The following CDKL5 variants were observed in gnomAD, a reference collection of about 807,000 sequenced individuals.
CDKL5 encodes the protein cyclin dependent kinase like 5.
In CDKL5, 8 loss-of-function variants were observed where a neutral mutation model predicts 61.7. That is an observed-to-expected ratio of 0.13 (90% CI 0.08 to 0.23). CDKL5 has a LOEUF of 0.23. Among genes scored for constraint, CDKL5 ranks in the 10% least tolerant of loss-of-function variants. CDKL5 has a pLI of 1.00. For synonymous variants in CDKL5, 275 were observed against 272.3 expected (o/e 1.01, Z -0.10); for missense variants, 440 against 734.5 (o/e 0.60, Z 4.63).
chrX:18,523,061 G>T (rs1005173283), intron 3 of CDKL5, among the ~76,000 whole-genome samples: 45 of 111,406 alleles, frequency 4.0e-4, no homozygotes, highest in African/African-American at 1.2e-3. Context: ...CTCCCAAAGT[G>T]CTGGGATTAC....
At position 18,598,495 on chromosome X, in the gene CDKL5, T is replaced by C; in HGVS notation, c.859T>C (p.Leu287=). 1 of 1,208,026 alleles carries C rather than the reference T, an allele frequency of 8.3e-7. No homozygotes were observed. Among genetic ancestry groups the C allele is most frequent in the Non-Finnish European group, 1.1e-6 (1 of 891,856 alleles). The stretch of plus-strand genomic sequence containing the variant: ...GAAGTTGGACCCAGCTGACAGATAC[T>C]TGACAGAACAGTGTTTGAATCACCC... ...LLKLDPADRY[L]TEQCLNHPTF... The change falls in exon 11 of 18, where the codon TTG becomes CTG. Residue 287 remains leucine, a synonymous_variant. Coordinates refer to ENST00000623535, the MANE Select transcript of CDKL5 (RefSeq NM_001323289.2).
intron 1 of CDKL5, among the ~76,000 whole-genome samples, chrX:18,450,288 C>T (rs1315006838): frequency 8.9e-6 from 1 of 111,846 alleles, no homozygotes; most frequent in Non-Finnish European, 1.9e-5. Flanking sequence ...TAATACATAC[C>T]TCATGCGGTG....
At chrX:18,583,691 G>A (rs1315712220) in intron 7 of CDKL5, among the ~76,000 whole-genome samples, 1 of 111,404 alleles carries the variant, frequency 9.0e-6, no homozygotes. Context: ...GGGGGTAAAA[G>A]TAGTGGTAGA....
intron 3 of CDKL5, among the ~76,000 whole-genome samples, chrX:18,560,527 G>A (rs751434337): frequency 1.8e-5 from 2 of 111,835 alleles, no homozygotes; most frequent in African/African-American, 6.5e-5. Flanking sequence ...ATTAATGTTC[G>A]TTTACTAAAT....
intron 3 of CDKL5, among the ~76,000 whole-genome samples, chrX:18,525,892 TC>T (rs2147105521): frequency 9.2e-6 from 1 of 109,254 alleles, no homozygotes; most frequent in South Asian, 4.0e-4. Context: ...GATTGCAGGC[TC>T]CCACCACCAC....
intron 3 of CDKL5, among the ~76,000 whole-genome samples, chrX:18,563,130 G>A (rs773315662): frequency 3.6e-5 from 4 of 111,742 alleles, no homozygotes; most frequent in Admixed American, 1.9e-4. Context: ...TGAGATGTGC[G>A]CAGTTTTTCT....
At chrX:18,517,017 G>A (rs777406889) in intron 3 of CDKL5, among the ~76,000 whole-genome samples, 5 of 112,028 alleles carry the variant, frequency 4.5e-5, no homozygotes, top group East Asian at 5.6e-4. Flanking sequence ...AATTACAGGC[G>A]TGAGCACCTG....
At chrX:18,456,607 C>G (rs1932148896) in intron 1 of CDKL5, among the ~76,000 whole-genome samples, 1 of 111,465 alleles carries the variant, frequency 9.0e-6, no homozygotes, top group African/African-American at 3.3e-5. Context: ...TTAATTCAAG[C>G]CTGAAGGAAT....
At chrX:18,528,887 C>T (rs758822740) in intron 3 of CDKL5, among the ~76,000 whole-genome samples, 1 of 111,435 alleles carries the variant, frequency 9.0e-6, no homozygotes, top group South Asian at 3.8e-4. Context: ...CCTCCCACCT[C>T]AGCCTCGCAA....
At chrX:18,648,608 G>C (rs1312893417) in intron 20 of CDKL5, among the ~76,000 whole-genome samples, 1 of 111,654 alleles carries the variant, frequency 9.0e-6, no homozygotes, top group African/African-American at 3.3e-5. Flanking sequence ...GCTGAATAAA[G>C]GGCCTTTCCC....
intron 3 of CDKL5, among the ~76,000 whole-genome samples, chrX:18,531,046 T>A (rs982092484): frequency 8.9e-6 from 1 of 112,057 alleles, no homozygotes; most frequent in Non-Finnish European, 1.9e-5. Context: ...AAGTGTTCTA[T>A]AATCTCATTC....
chrX:18,598,683 T>C (rs1366132721), intron 11 of CDKL5, 70 bp downstream of exon 11: 1 of 976,708 alleles, frequency 1.0e-6, no homozygotes, highest in Non-Finnish European at 1.5e-6. Context: ...AGGTGGCTGC[T>C]TAAATGATGC....
intron 1 of CDKL5, among the ~76,000 whole-genome samples, chrX:18,487,693 A>G (rs755495045): frequency 8.9e-6 from 1 of 112,923 alleles, no homozygotes; most frequent in Admixed American, 9.3e-5. Context: ...AGGCGGGAGG[A>G]TCACTTGAGG....
intron 3 of CDKL5, among the ~76,000 whole-genome samples, chrX:18,540,635 ATTCTT>A (rs1241574085): frequency 9.1e-6 from 1 of 109,972 alleles, no homozygotes; most frequent in Non-Finnish European, 1.9e-5. Context: ...CTGATTGACA[ATTCTT>A]TTCTTTTCTT....
chrX:18,499,505 C>T (rs780876227), intron 1 of CDKL5, among the ~76,000 whole-genome samples: 4 of 109,633 alleles, frequency 3.6e-5, no homozygotes, highest in South Asian at 8.0e-4. Flanking sequence ...GGACTACAGG[C>T]GCCCACCACA....
chrX:18,527,130 C>T (rs1029643113), intron 3 of CDKL5, among the ~76,000 whole-genome samples: 4 of 111,826 alleles, frequency 3.6e-5, no homozygotes, highest in Admixed American at 9.5e-5. Context: ...CATATATTGG[C>T]GGATTTGATT....
At chrX:18,468,153 C>G (rs1460744269) in intron 1 of CDKL5, among the ~76,000 whole-genome samples, 1 of 110,733 alleles carries the variant, frequency 9.0e-6, no homozygotes, top group African/African-American at 3.3e-5. Context: ...ATGTAGTTTT[C>G]CAATTTGAAA....
chrX:18,517,268 A>G (rs1923059786), intron 3 of CDKL5, among the ~76,000 whole-genome samples: 1 of 111,292 alleles, frequency 9.0e-6, no homozygotes, highest in Non-Finnish European at 1.9e-5. Context: ...GCTCACTTCT[A>G]GAGGATGAAT....
chrX:18,648,249 T>A (rs2147195249), intron 20 of CDKL5, among the ~76,000 whole-genome samples: 1 of 110,182 alleles, frequency 9.1e-6, no homozygotes, highest in East Asian at 2.9e-4. Context: ...TCTTCTCCTT[T>A]TTTTTTTCTT....
Sources: gnomAD v4.1 joint callset for allele counts (sites outside exome capture counted in the v4.1 genomes callset) on GRCh38, gnomAD v4.1.1 for gene constraint, MANE v1.5 for transcripts, NCBI Gene and HGNC (gene_info 2026-07-23, HGNC 2026-07-21) for gene names.